Variants in MYT1L observed in about 807,000 individuals in gnomAD.
MYT1L encodes myelin transcription factor 1-like protein.
MYT1L carries 12 observed loss-of-function variants against 126.7 expected under a neutral mutation model. The observed-to-expected ratio is 0.09, with a 90% CI of 0.06 to 0.15. The LOEUF is 0.15. MYT1L is among the 10% of genes least tolerant of loss of function. The pLI, the probability that MYT1L is intolerant of heterozygous loss-of-function variation, is 1.00. For missense variants in MYT1L, 979 were observed against 1,585.2 expected (o/e 0.62, Z 6.49); for synonymous variants, 541 against 604.2 (o/e 0.90, Z 1.53).
At chr2:2,232,413 G>A (rs1460248904) in intron 2 of MYT1L, among the ~76,000 whole-genome samples, 1 of 152,226 alleles carries the variant, frequency 6.6e-6, no homozygotes, top group African/African-American at 2.4e-5. Context: ...TACTTTGTAA[G>A]TCAGCATTCC....
chr2:1,828,114 A>G (rs2148234635), intron 21 of MYT1L: 1 of 152,268 alleles, frequency 6.6e-6, no homozygotes, highest in East Asian at 1.9e-4. Flanking sequence ...AAACAGGACC[A>G]CACAGATCTC....
At chr2:1,872,924 A>C (rs185450709) in intron 18 of MYT1L, among the ~76,000 whole-genome samples, 14 of 131,170 alleles carry the variant, frequency 1.1e-4, no homozygotes, top group African/African-American at 4.7e-4. Context: ...GTAGATGGGG[A>C]AAACAGAGGT....
At chr2:1,883,162 GTAT>G (rs1291353151) in intron 18 of MYT1L, among the ~76,000 whole-genome samples, 1 of 152,192 alleles carries the variant, frequency 6.6e-6, no homozygotes, top group African/African-American at 2.4e-5. Context: ...GGGACTCGTG[GTAT>G]TATAAGATAA....
intron 18 of MYT1L, among the ~76,000 whole-genome samples, chr2:1,879,330 G>A (rs2047273684): frequency 6.6e-6 from 1 of 152,144 alleles, no homozygotes; most frequent in African/African-American, 2.4e-5. Context: ...AACCTCAGAT[G>A]TACAATTAAA....
intron 3 of MYT1L, among the ~76,000 whole-genome samples, chr2:2,096,174 C>A (rs935577615): frequency 3.9e-5 from 6 of 152,172 alleles, no homozygotes; most frequent in African/African-American, 1.4e-4. Flanking sequence ...GACATTGAAC[C>A]AGGATTTCTA....
At chr2:2,072,956 AC>A (rs2074778792) in intron 3 of MYT1L, among the ~76,000 whole-genome samples, 1 of 152,046 alleles carries the variant, frequency 6.6e-6, no homozygotes, top group South Asian at 2.1e-4. Flanking sequence ...AAACTCCAAG[AC>A]CAAGGTTTGG....
At chr2:2,219,430 T>C (rs1297146756) in intron 2 of MYT1L, among the ~76,000 whole-genome samples, 2 of 152,242 alleles carry the variant, frequency 1.3e-5, no homozygotes, top group Non-Finnish European at 2.9e-5. Flanking sequence ...TAGTAACTTC[T>C]CTTAGAAGCA....
At chr2:2,251,968 G>A (rs1358282250) in intron 2 of MYT1L, among the ~76,000 whole-genome samples, 1 of 152,090 alleles carries the variant, frequency 6.6e-6, no homozygotes, top group African/African-American at 2.4e-5. Context: ...AGGCAAGGCA[G>A]GCAATGGGGA....
chr2:2,007,322 C>G lies in MYT1L; in HGVS notation c.-157-9975G>C, dbSNP rs764548385. On this transcript the variant is annotated intron_variant, in intron 4 of 24. Transcript: ENST00000647738. ...CCCTTTTGTCCACAACCTCACCAAC[C>G]CTTGCTATCTCTTGATTTTTGGATA... 1.2e-4 allele frequency among the ~76,000 whole-genome samples: 17 copies of G among 142,606 alleles called. 1 individual carries two copies. The highest frequency in any genetic ancestry group is 5.8e-4 in the East Asian group (3 of 5,178). 93.6% of individuals were successfully genotyped at this position (142,606 alleles called of 152,430 possible).
rs13425807 is a variant in MYT1L, at chr2:1,871,564, T to C, written c.2711+14975A>G. Among the ~76,000 whole-genome samples the C allele has an allele frequency of 5.9e-3, 891 of 152,270 alleles. 14 individuals carry two copies. The highest frequency in any genetic ancestry group is 0.021 in the African/African-American group (854 of 41,564). The stretch of plus-strand genomic sequence containing the variant: ...GAAAACTGAAGCTCAGAAAGTTGAA[T>C]TGACTTGCAGAAGCCCAGGTGGCTA... On this transcript the variant is annotated intron_variant, in intron 18 of 24. Coordinates refer to ENST00000647738, the MANE Select transcript of MYT1L (RefSeq NM_001303052.2).
chr2:2,053,230 C>T (rs929189259), intron 4 of MYT1L, among the ~76,000 whole-genome samples: 13 of 152,170 alleles, frequency 8.5e-5, no homozygotes, highest in African/African-American at 2.4e-4. Flanking sequence ...AGAGAGAAAG[C>T]AGAATGCTGG....
rs201819397 is a variant in MYT1L at position 1,952,992 on chromosome 2, T to TC, written c.153-9659dup. Among the ~76,000 whole-genome samples, 179 of 114,892 alleles carry TC rather than the reference T, an allele frequency of 1.6e-3. 1 individual carries two copies. The East Asian group carries it at 0.031, about 20-fold the overall frequency. The allele number at this position is 114,892 out of a possible 152,430, so 75.4% of individuals were successfully genotyped here. On this transcript the variant is annotated intron_variant, in intron 8 of 24. Transcript: ENST00000647738. ...CCTCCTTCCTTCCTTTCTCTTTCTTTCTTTTCTTTTCTTTTCCTTCCTTCC... is the reference window on the plus strand; with the variant it reads ...CCTCCTTCCTTCCTTTCTCTTTCTTTCCTTTTCTTTTCTTTTCCTTCCTTCC...
intron 8 of MYT1L, among the ~76,000 whole-genome samples, chr2:1,972,465 T>C (rs1261186195): frequency 6.6e-6 from 1 of 152,226 alleles, no homozygotes; most frequent in Non-Finnish European, 1.5e-5. Context: ...CTCTCTGTCT[T>C]CCTCTCTGTT....
intron 1 of MYT1L, chr2:2,326,967 G>T (rs2096251978): frequency 6.6e-6 from 1 of 152,142 alleles, no homozygotes; most frequent in African/African-American, 2.4e-5. Context: ...TGGAGAGAAA[G>T]AGAGAGAAGA....
intron 3 of MYT1L, among the ~76,000 whole-genome samples, chr2:2,151,130 T>C (rs116114840): frequency 0.019 from 2,866 of 152,214 alleles, 80 homozygotes; most frequent in African/African-American, 0.064. Flanking sequence ...AATCACTCTT[T>C]GGATATGTTA....
intron 21 of MYT1L, among the ~76,000 whole-genome samples, chr2:1,814,421 TTA>T (rs2037313577): frequency 1.3e-5 from 2 of 152,160 alleles, no homozygotes; most frequent in African/African-American, 4.8e-5. Flanking sequence ...CCATCCTTGG[TTA>T]TCTTTTCCTC....
At chr2:2,014,455 TCAG>T (rs2064163617) in intron 4 of MYT1L, among the ~76,000 whole-genome samples, 1 of 152,234 alleles carries the variant, frequency 6.6e-6, no homozygotes, top group African/African-American at 2.4e-5. Context: ...AGGGCAGAGC[TCAG>T]CAGCAGCAGA....
chr2:2,179,146 T>A (rs1483548777), intron 2 of MYT1L, among the ~76,000 whole-genome samples: 1 of 152,124 alleles, frequency 6.6e-6, no homozygotes, highest in East Asian at 1.9e-4. Context: ...CCAGCAGCTG[T>A]AGGACATGGC....
chr2:2,198,622 G>C (rs933276819), intron 2 of MYT1L, among the ~76,000 whole-genome samples: 2 of 151,876 alleles, frequency 1.3e-5, no homozygotes, highest in Non-Finnish European at 2.9e-5. Flanking sequence ...ACTTTGGGAG[G>C]CCTAGGCGAG....
Sources: gnomAD v4.1 joint callset for allele counts (sites outside exome capture counted in the v4.1 genomes callset) on GRCh38, gnomAD v4.1.1 for gene constraint, MANE v1.5 for transcripts, NCBI Gene and HGNC (gene_info 2026-07-23, HGNC 2026-07-21) for gene names.